The following TTLL7 variants were observed in gnomAD, a reference collection of about 807,000 sequenced individuals.
TTLL7 encodes tubulin tyrosine ligase like 7.
A neutral mutation model predicts 120.2 loss-of-function variants in TTLL7; 53 were observed. That is an observed-to-expected ratio of 0.44 (90% confidence interval 0.35 to 0.55). TTLL7 has a LOEUF of 0.55. Ranked by LOEUF, TTLL7 falls within the 20% of genes least tolerant of loss-of-function variation. TTLL7 has a pLI of 0.00. For synonymous variants in TTLL7, 353 were observed against 351.7 expected, an observed-to-expected ratio of 1.00 and a Z score of -0.04; for missense variants, 803 against 1,054.7, an observed-to-expected ratio of 0.76 and a Z score of 3.31.
At chr1:83,884,782 G>A (rs1242292834) in intron 19 of TTLL7, among the ~76,000 whole-genome samples, 2 of 150,412 alleles carry the variant, frequency 1.3e-5, no homozygotes, top group African/African-American at 2.4e-5. Flanking sequence ...TAAATGACGA[G>A]TTAATGGGTG....
intron 8 of TTLL7, 115 bp from the exon 9 acceptor site, chr1:83,933,881 T>A (rs56159052): frequency 0.032 from 29,394 of 918,608 alleles, 586 homozygotes; most frequent in African/African-American, 0.068. Context: ...CTCTGTGGCA[T>A]CTAGCCCCTG....
intron 18 of TTLL7, among the ~76,000 whole-genome samples, chr1:83,894,533 A>T (rs1335307052): frequency 1.3e-5 from 2 of 152,038 alleles, no homozygotes; most frequent in Non-Finnish European, 2.9e-5. Flanking sequence ...TTTGACCACT[A>T]CTCTGCATAT....
chr1:83,920,302 A>G (rs1416563780), intron 12 of TTLL7, among the ~76,000 whole-genome samples: 2 of 152,048 alleles, frequency 1.3e-5, no homozygotes, highest in Non-Finnish European at 2.9e-5. Context: ...GAAATACTGA[A>G]CTTTATAGGA....
intron 1 of TTLL7, among the ~76,000 whole-genome samples, chr1:83,996,718 G>A (rs781240148): frequency 5.3e-5 from 8 of 152,218 alleles, no homozygotes; most frequent in Non-Finnish European, 1.0e-4. Context: ...ATGGTTTGCA[G>A]ACTGTAGTCA....
chr1:83,961,743 CATA>C (rs1650036419), intron 1 of TTLL7, among the ~76,000 whole-genome samples: 1 of 152,110 alleles, frequency 6.6e-6, no homozygotes, highest in Admixed American at 6.6e-5. Context: ...TCTCCTACAA[CATA>C]ATATTTCAGT....
intron 8 of TTLL7, 119 bp downstream of exon 8, chr1:83,937,733 G>C: frequency 8.7e-7 from 1 of 1,143,084 alleles, no homozygotes; most frequent in Non-Finnish European, 1.3e-6. Context: ...TTTCTCTCTG[G>C]TCCTCTCAAT....
In TTLL7 at chr1:83,883,265, A is replaced by G. The variant is rs1654677797; in HGVS notation, c.2370-129T>C. 9.3e-6 allele frequency: 6 copies of G among 647,390 alleles called. No individual in the cohort carries two copies. The East Asian group carries it at 1.7e-4, about 18-fold the overall frequency. The allele number at this position is 647,390 out of a possible 1,614,324, so 40.1% of individuals were successfully genotyped here. On this transcript the variant is annotated intron_variant, in intron 19 of 20. Transcript: ENST00000260505. ...TCTCATACATTTGCAATAACTATGA[A>G]TGGTTTAAAGATATATAATAAATAC...
At chr1:83,965,847 G>A (rs1166592505) in intron 1 of TTLL7, among the ~76,000 whole-genome samples, 1 of 152,024 alleles carries the variant, frequency 6.6e-6, no homozygotes, top group Non-Finnish European at 1.5e-5. Context: ...CAAAGATCTA[G>A]AGTCTGACAA....
intron 18 of TTLL7, among the ~76,000 whole-genome samples, chr1:83,892,851 T>TGAACATATATATGAACACATATGTGAAC (rs1491097119): frequency 5.8e-4 from 11 of 19,064 alleles, no homozygotes; most frequent in South Asian, 2.0e-3. Flanking sequence ...CATATATGAG[T>TGAACATATATATGAACACATATGTGAAC]ATATATATGA....
At chr1:83,905,280 TAAC>T (rs1348052760) in intron 17 of TTLL7, among the ~76,000 whole-genome samples, 5 of 151,828 alleles carry the variant, frequency 3.3e-5, no homozygotes, top group Non-Finnish European at 5.9e-5. Flanking sequence ...AAAATATATA[TAAC>T]AACAAAATAT....
intron 1 of TTLL7, among the ~76,000 whole-genome samples, chr1:83,991,364 A>G (rs1652984489): frequency 6.6e-6 from 1 of 152,208 alleles, no homozygotes; most frequent in Admixed American, 6.5e-5. Context: ...AAAATTATAC[A>G]GCCAGGCATG....
intron 1 of TTLL7, among the ~76,000 whole-genome samples, chr1:83,998,602 G>C (rs1353009239): frequency 1.3e-5 from 2 of 152,202 alleles, no homozygotes; most frequent in African/African-American, 4.8e-5. Context: ...GAATAAACCA[G>C]CAGGGAGCCT....
chr1:83,930,294 A>T (rs1160233466), intron 9 of TTLL7, among the ~76,000 whole-genome samples: 1 of 152,158 alleles, frequency 6.6e-6, no homozygotes, highest in Non-Finnish European at 1.5e-5. Flanking sequence ...TTCTCTTAAT[A>T]ATGTATCATG....
At chr1:83,978,891 A>C (rs916977024) in intron 1 of TTLL7, among the ~76,000 whole-genome samples, 3 of 152,200 alleles carry the variant, frequency 2.0e-5, no homozygotes, top group African/African-American at 7.2e-5. Context: ...CTTGACTCTG[A>C]ACTGATTCTT....
At chr1:83,914,100 A>G (rs1033898732) in intron 14 of TTLL7, among the ~76,000 whole-genome samples, 2 of 152,190 alleles carry the variant, frequency 1.3e-5, no homozygotes, top group Non-Finnish European at 2.9e-5. Context: ...ATGCCTCAAT[A>G]TAGAGCACAT....
At chr1:83,884,232 G>C (rs751456563) in intron 19 of TTLL7, among the ~76,000 whole-genome samples, 1 of 151,746 alleles carries the variant, frequency 6.6e-6, no homozygotes, top group Non-Finnish European at 1.5e-5. Context: ...ATTTTGGTTT[G>C]AGACTTGGTA....
At chr1:83,992,989 T>A (rs940082134) in intron 1 of TTLL7, among the ~76,000 whole-genome samples, 27 of 152,084 alleles carry the variant, frequency 1.8e-4, no homozygotes, top group African/African-American at 6.0e-4. Context: ...TTAAGTACTT[T>A]GAAAAAATAG....
rs1199122635 is a variant in TTLL7, at chr1:83,868,214, ACTT to A, written c.*1745_*1747del. 6.6e-6 allele frequency: 1 copy of A among 152,198 alleles called. No homozygotes were observed. Among genetic ancestry groups the A allele is most frequent in the Non-Finnish European group, 1.5e-5 (1 of 68,012 alleles). The allele number at this position is 152,198 out of a possible 1,614,324, so 9.4% of individuals were successfully genotyped here. ...CTCTCAGTTCTCCTGCTTTGGGGCC[ACTT>A]CTTGAAATAACTTTCAGAATAGTAA... On this transcript the variant is annotated 3_prime_UTR_variant, in exon 21 of 21. Transcript: ENST00000260505.
At chr1:83,978,088 T>C (rs1394706429) in intron 1 of TTLL7, among the ~76,000 whole-genome samples, 2 of 152,186 alleles carry the variant, frequency 1.3e-5, no homozygotes, top group Non-Finnish European at 2.9e-5. Context: ...ATTTATGGGA[T>C]AAAAATTAGG....
Sources: allele counts gnomAD v4.1 joint callset (sites outside exome capture counted in the v4.1 genomes callset), GRCh38; gene constraint gnomAD v4.1.1; transcripts MANE v1.5; gene names NCBI Gene and HGNC (gene_info 2026-07-23, HGNC 2026-07-21).